The following DAPP1 variants were observed in gnomAD, a reference collection of about 807,000 sequenced individuals.
DAPP1 encodes dual adaptor of phosphotyrosine and 3-phosphoinositides 1, also known as dual adapter for phosphotyrosine and 3-phosphotyrosine and 3-phosphoinositide.
Under a neutral mutation model 41.5 loss-of-function variants are expected in DAPP1, and 20 were observed. The observed-to-expected ratio is 0.48, with a 90% confidence interval of 0.34 to 0.70. The LOEUF (loss-of-function observed/expected upper bound fraction) is 0.70. DAPP1 is among the 30% of genes least tolerant of loss of function. The probability of loss-of-function intolerance (pLI) is 0.01; values close to 1 mark genes in which losing one functional copy is unlikely to be tolerated. For missense variants in DAPP1, 233 were observed against 333.4 expected (o/e 0.70, Z 2.35); for synonymous variants, 113 against 116.2 (o/e 0.97, Z 0.18).
chr4:99,871,268 T>A (rs1724620240), downstream of DAPP1, among the ~76,000 whole-genome samples: 1 of 152,172 alleles, frequency 6.6e-6, no homozygotes, highest in African/African-American at 2.4e-5. Flanking sequence ...AAATCCATGT[T>A]TCTACCAGAC....
At chr4:99,838,757 GA>G (rs2110145789) in intron 2 of DAPP1, among the ~76,000 whole-genome samples, 1 of 152,332 alleles carries the variant, frequency 6.6e-6, no homozygotes, top group East Asian at 1.9e-4. Flanking sequence ...TGCTGTAGAA[GA>G]TTGAAATACC....
intron 2 of DAPP1, among the ~76,000 whole-genome samples, chr4:99,838,924 G>A (rs1441809135): frequency 6.6e-6 from 1 of 152,212 alleles, no homozygotes; most frequent in Non-Finnish European, 1.5e-5. Context: ...GAATTATCAT[G>A]TAATACTTGA....
chr4:99,835,940 G>A (rs577971235), intron 2 of DAPP1, among the ~76,000 whole-genome samples, 195 bp downstream of exon 2: 198 of 152,274 alleles, frequency 1.3e-3, no homozygotes, highest in Non-Finnish European at 2.5e-3. Context: ...AAAATTGTTA[G>A]AGCTGGAGGA....
At chr4:99,832,209 T>C (rs1723149956) in intron 1 of DAPP1, among the ~76,000 whole-genome samples, 1 of 152,218 alleles carries the variant, frequency 6.6e-6, no homozygotes, top group African/African-American at 2.4e-5. Flanking sequence ...TTGCACAGAT[T>C]TGAAGCAATG....
intron 3 of DAPP1, among the ~76,000 whole-genome samples, chr4:99,852,633 A>G (rs1247896577): frequency 6.6e-6 from 1 of 152,162 alleles, no homozygotes; most frequent in Non-Finnish European, 1.5e-5. Context: ...TTGCTTGGTT[A>G]CTTTCATTAA....
At chr4:99,819,507 A>T (rs1402049857) in intron 1 of DAPP1, among the ~76,000 whole-genome samples, 2 of 152,218 alleles carry the variant, frequency 1.3e-5, no homozygotes, top group South Asian at 4.1e-4. Flanking sequence ...CTTGACAATG[A>T]CTTGTTGCCT....
chr4:99,845,019 G>A (rs536681095), intron 3 of DAPP1, among the ~76,000 whole-genome samples: 10 of 152,254 alleles, frequency 6.6e-5, no homozygotes, highest in South Asian at 2.1e-4. Flanking sequence ...AGTTTTATTC[G>A]AAAAAGGAAA....
intron 4 of DAPP1, among the ~76,000 whole-genome samples, chr4:99,857,218 G>A (rs1724074736): frequency 6.6e-6 from 1 of 152,170 alleles, no homozygotes; most frequent in South Asian, 2.1e-4. Context: ...TCTTGCAGAT[G>A]GATTGAATGT....
chr4:99,835,529 A>G, intron 1 of DAPP1, 94 bp from the exon 2 acceptor site: 1 of 1,527,042 alleles, frequency 6.5e-7, no homozygotes, highest in South Asian at 1.2e-5. Flanking sequence ...TATCTTGAAG[A>G]ATGTTGCTAG....
In DAPP1 at chr4:99,830,768, C is replaced by T. The variant is rs557302460; in HGVS notation, c.102-4855C>T. Among the ~76,000 whole-genome samples the T allele has an allele frequency of 2.6e-5, 4 of 152,186 alleles. No homozygotes were observed. The South Asian group carries it at 8.3e-4, about 32-fold the overall frequency. On this transcript the variant is annotated intron_variant, in intron 1 of 8. Transcript: ENST00000512369. Reference sequence around the variant, plus strand: ...GGAAAAAGCCAAACTCTCTCTTTCTCTCTCTCTCTCTTTCTCTTTCTCTCT... The same window carrying T: ...GGAAAAAGCCAAACTCTCTCTTTCTTTCTCTCTCTCTTTCTCTTTCTCTCT...
At chr4:99,856,411 C>T (rs1724045978) in intron 4 of DAPP1, among the ~76,000 whole-genome samples, 1 of 151,936 alleles carries the variant, frequency 6.6e-6, no homozygotes, top group Non-Finnish European at 1.5e-5. Flanking sequence ...AGTACAAAGG[C>T]CCTGGAGTGG....
At chr4:99,866,454 A>T in intron 8 of DAPP1, 1 of 726,062 alleles carries the variant, frequency 1.4e-6, no homozygotes, top group South Asian at 1.4e-5. Context: ...GACAGAGGAA[A>T]GCTGACATAC....
intron 4 of DAPP1, among the ~76,000 whole-genome samples, chr4:99,853,839 A>T (rs960650883): frequency 1.5e-4 from 23 of 152,232 alleles, no homozygotes; most frequent in Non-Finnish European, 5.9e-5. Flanking sequence ...AATGAAAGCA[A>T]TGCAATAGTA....
intron 1 of DAPP1, among the ~76,000 whole-genome samples, chr4:99,828,249 C>T (rs946278554): frequency 3.3e-5 from 5 of 152,072 alleles, no homozygotes; most frequent in South Asian, 2.1e-4. Context: ...AGGTACAACC[C>T]GTTAGTAGGC....
rs562987832 is a variant in DAPP1 at position 99,818,024 on chromosome 4, C to A, written c.101+1010C>A. Among the ~76,000 whole-genome samples the A allele has an allele frequency of 1.9e-3, 294 of 152,284 alleles. 2 individuals carry two copies. Among genetic ancestry groups the A allele is most frequent in the African/African-American group, 6.6e-3 (276 of 41,544 alleles). The stretch of plus-strand genomic sequence containing the variant: ...GGCTATGTCCGAAACCAAAGAAAAA[C>A]CAAAATAGAGTTGAAATCTCTCTGT... On this transcript the variant is annotated intron_variant, in intron 1 of 8. Coordinates refer to ENST00000512369, the MANE Select transcript of DAPP1 (RefSeq NM_014395.3).
At chr4:99,839,044 A>C (rs1266642142) in intron 2 of DAPP1, among the ~76,000 whole-genome samples, 1 of 152,242 alleles carries the variant, frequency 6.6e-6, no homozygotes, top group Non-Finnish European at 1.5e-5. Flanking sequence ...ACTAAGGGAC[A>C]GAAGTGGAAA....
chr4:99,821,033 C>T (rs922661814), intron 1 of DAPP1, among the ~76,000 whole-genome samples: 1 of 152,142 alleles, frequency 6.6e-6, no homozygotes, highest in Non-Finnish European at 1.5e-5. Context: ...ATTTTGTAGA[C>T]ACCAGCTCTG....
intron 2 of DAPP1, among the ~76,000 whole-genome samples, chr4:99,839,822 G>A (rs556589961): frequency 4.6e-5 from 7 of 152,336 alleles, no homozygotes; most frequent in African/African-American, 1.7e-4. Flanking sequence ...AACACTTTGG[G>A]AAGCCGAGGC....
chr4:99,827,544 A>C (rs1356110421), intron 1 of DAPP1, among the ~76,000 whole-genome samples: 1 of 116,888 alleles, frequency 8.6e-6, no homozygotes, highest in Non-Finnish European at 1.7e-5. Context: ...AAAAAAAAAC[A>C]ACAAAAAAAC....
Sources: gnomAD v4.1 joint callset for allele counts (sites outside exome capture counted in the v4.1 genomes callset) on GRCh38, gnomAD v4.1.1 for gene constraint, MANE v1.5 for transcripts, NCBI Gene and HGNC (gene_info 2026-07-23, HGNC 2026-07-21) for gene names.